NPLOC4: variants seen among roughly 807,000 people sequenced by gnomAD.
NPLOC4 encodes the protein nuclear protein localization protein 4 homolog.
A neutral mutation model predicts 80.6 loss-of-function variants in NPLOC4; 18 were observed. The observed-to-expected ratio is 0.22, with a 90% CI of 0.15 to 0.33. The LOEUF is 0.33. Ranked by LOEUF, NPLOC4 falls within the 10% of genes least tolerant of loss-of-function variation. The pLI, the probability that NPLOC4 is intolerant of heterozygous loss-of-function variation, is 1.00. For synonymous variants in NPLOC4, 313 were observed against 301.5 expected, an observed-to-expected ratio of 1.04 and a Z score of -0.39; for missense variants, 540 against 786.1, an observed-to-expected ratio of 0.69 and a Z score of 3.74.
At chr17:81,566,111 A>T (rs1802560934) in intron 15 of NPLOC4, among the ~76,000 whole-genome samples, 1 of 152,216 alleles carries the variant, frequency 6.6e-6, no homozygotes, top group Admixed American at 6.5e-5. Context: ...AGGCAGACAG[A>T]TCACGAGGTC....
chr17:81,624,859 G>A (rs1165130919), intron 2 of NPLOC4, among the ~76,000 whole-genome samples: 1 of 152,198 alleles, frequency 6.6e-6, no homozygotes, highest in African/African-American at 2.4e-5. Context: ...CAGGAAGGGT[G>A]TTGGAAACAC....
intron 3 of NPLOC4, among the ~76,000 whole-genome samples, chr17:81,618,544 GT>G (rs377592776): frequency 2.5e-3 from 196 of 77,138 alleles, no homozygotes; most frequent in East Asian, 0.015. Flanking sequence ...TGAGGGGTCA[GT>G]GCCCCCGCCC....
At chr17:81,600,994 T>C (rs1387200473) in intron 8 of NPLOC4, among the ~76,000 whole-genome samples, 1 of 151,840 alleles carries the variant, frequency 6.6e-6, no homozygotes, top group Non-Finnish European at 1.5e-5. Context: ...AGGGAAAAGG[T>C]GTTCAAAAAT....
rs1405212455 is a variant in NPLOC4, at chr17:81,577,317, G to A, written c.1282-5229C>T. On this transcript the variant is annotated intron_variant, in intron 12 of 16. Coordinates refer to ENST00000331134, the MANE Select transcript of NPLOC4 (RefSeq NM_017921.4). The surrounding 1 kb of genome is among the most constrained non-coding windows in gnomAD (Gnocchi z 4.3). ...ACCCCAGCACTGTCCCTTGGCACCA[G>A]GACATCACCCTCCCACCTCTCCCAG... Among the ~76,000 whole-genome samples the A allele has an allele frequency of 6.6e-6, 1 of 151,900 alleles. No individual in the cohort carries two copies. Among genetic ancestry groups the A allele is most frequent in the African/African-American group, 2.4e-5 (1 of 41,354 alleles).
In NPLOC4 at chr17:81,604,708, T is replaced by C. The variant is rs760463136; in HGVS notation, c.674A>G (p.Asn225Ser). ...LNRQKYRHVD[N>S]IMFENHTVAD... ...GACGGTGTGATTCTCAAACATGATATTGTCCACATGCCTGTACTTCTGTAG... is the reference window on the plus strand; with the variant it reads ...GACGGTGTGATTCTCAAACATGATACTGTCCACATGCCTGTACTTCTGTAG... The change falls in exon 8 of 17, where the codon AAT becomes AGT. Residue 225 changes from asparagine to serine, a missense_variant. Asn to Ser is a conservative substitution (Grantham distance 46). This residue lies in a region of NPLOC4 where 61 missense variants were observed against 156.7 expected (regional missense o/e 0.39). Transcript: ENST00000331134. 7 of 1,613,306 alleles carry C rather than the reference T, an allele frequency of 4.3e-6. No individual in the cohort carries two copies. Among genetic ancestry groups the C allele is most frequent in the East Asian group, 2.2e-5 (1 of 44,878 alleles).
At chr17:81,634,605 T>G (rs2036018287) in intron 1 of NPLOC4, among the ~76,000 whole-genome samples, 1 of 141,646 alleles carries the variant, frequency 7.1e-6, no homozygotes, top group East Asian at 2.3e-4. Flanking sequence ...TTTTTTTTTT[T>G]GAGACAGTCT....
At chr17:81,608,588 A>G in intron 6 of NPLOC4, 140 bp downstream of exon 6, 1 of 606,808 alleles carries the variant, frequency 1.6e-6, no homozygotes, top group Non-Finnish European at 2.9e-6. Flanking sequence ...AAATAAATAT[A>G]GAACCACGGT....
At position 81,567,397 on chromosome 17, in the gene NPLOC4, C is replaced by T. The variant is rs2034040837; in HGVS notation, c.1566+20G>A. The T allele has an allele frequency of 1.3e-6, 2 of 1,486,594 alleles. No homozygotes were observed. The highest frequency in any genetic ancestry group is 1.1e-5 in the South Asian group (1 of 87,226). 92.1% of individuals were successfully genotyped at this position (1,486,594 alleles called of 1,614,324 possible). On this transcript the variant is annotated intron_variant, in intron 15 of 16. Coordinates refer to ENST00000331134, the MANE Select transcript of NPLOC4 (RefSeq NM_017921.4). This position sits in a 1 kb window ranked among gnomAD's most constrained non-coding sequence, Gnocchi z 4.5. ...GCCAAAGCCCACTTGCTCAAGTGGA[C>T]ACCACACTTGGACACGCACCTGCAG...
At chr17:81,591,504 C>T (rs1036722979) in intron 11 of NPLOC4, among the ~76,000 whole-genome samples, 3 of 133,896 alleles carry the variant, frequency 2.2e-5, no homozygotes, top group Non-Finnish European at 3.2e-5. Context: ...GTCATTAACA[C>T]GATAGGTCAT....
intron 5 of NPLOC4, among the ~76,000 whole-genome samples, chr17:81,609,265 G>A (rs1035880849): frequency 4.6e-5 from 7 of 152,232 alleles, no homozygotes; most frequent in African/African-American, 1.4e-4. Flanking sequence ...TGATCCACCC[G>A]CCTTGGCCTC....
chr17:81,629,369 T>C (rs780753896), intron 2 of NPLOC4, among the ~76,000 whole-genome samples: 24 of 152,020 alleles, frequency 1.6e-4, no homozygotes, highest in Non-Finnish European at 2.6e-4. Flanking sequence ...TTTTTGTATT[T>C]TTAGTAGACG....
In NPLOC4 at chr17:81,580,501, C is replaced by T. The variant is rs2034409113; in HGVS notation, c.1282-8413G>A. Among the ~76,000 whole-genome samples, 1 of 152,154 alleles carries T rather than the reference C, an allele frequency of 6.6e-6. No individual in the cohort carries two copies. The highest frequency in any genetic ancestry group is 2.4e-5 in the African/African-American group (1 of 41,436). On this transcript the variant is annotated intron_variant, in intron 12 of 16. Transcript: ENST00000331134. The surrounding 1 kb of genome is among the most constrained non-coding windows in gnomAD (Gnocchi z 4.4). ...CACTTCCAACCATAGATTCAGCTTC[C>T]AAGGGCCCCTCCCACCTCTACCCCA...
At chr17:81,628,491 C>G (rs1350036351) in intron 2 of NPLOC4, among the ~76,000 whole-genome samples, 1 of 151,894 alleles carries the variant, frequency 6.6e-6, no homozygotes, top group African/African-American at 2.4e-5. Context: ...CCAGCCTGGG[C>G]AACAGAGTGA....
intron 16 of NPLOC4, chr17:81,563,656 G>A (rs1460956586): frequency 1.5e-5 from 4 of 267,634 alleles, no homozygotes; most frequent in Non-Finnish European, 3.0e-5. Context: ...TGGCTCCCAG[G>A]TATAATCTCA....
chr17:81,571,743 T>C (rs1264756058), intron 13 of NPLOC4, among the ~76,000 whole-genome samples: 1 of 152,162 alleles, frequency 6.6e-6, no homozygotes, highest in African/African-American at 2.4e-5. Context: ...CTTTGTACTT[T>C]AGTATGGGGA....
chr17:81,573,338 C>G (rs1014663926), intron 12 of NPLOC4, among the ~76,000 whole-genome samples: 8 of 152,182 alleles, frequency 5.3e-5, no homozygotes, highest in Admixed American at 5.2e-4. Flanking sequence ...CCATCACAAC[C>G]ACACCTTCCT....
chr17:81,589,123 T>TA lies in NPLOC4; in HGVS notation c.1121-20dup. On this transcript the variant is annotated intron_variant, in intron 11 of 16. Transcript: ENST00000331134. ...GGACCACCTGCAAGAGAGAGACCTT[T>TA]AAAAAGAGTCTACCAAACGGCATTC... The TA allele has an allele frequency of 6.2e-7, 1 of 1,605,218 alleles. No homozygotes were observed. Among genetic ancestry groups the TA allele is most frequent in the Non-Finnish European group, 8.5e-7 (1 of 1,174,876 alleles).
At chr17:81,622,307 T>A in intron 2 of NPLOC4, 29 bp from the exon 3 acceptor site, 1 of 1,483,522 alleles carries the variant, frequency 6.7e-7, no homozygotes, top group Non-Finnish European at 9.4e-7. Flanking sequence ...AACAGAAATT[T>A]AATGAAATGC....
At position 81,604,566 on chromosome 17, in the gene NPLOC4, C is replaced by T. The variant is rs377466373; in HGVS notation, c.816G>A (p.Ala272=). The T allele has an allele frequency of 9.9e-5, 160 of 1,612,488 alleles. No homozygotes were observed. The highest frequency in any genetic ancestry group is 7.2e-4 in the South Asian group (65 of 90,742). Residue 272 remains alanine (A), a synonymous_variant, in exon 8 of 17, where the codon GCG becomes GCA. Coordinates refer to ENST00000331134, the MANE Select transcript of NPLOC4 (RefSeq NM_017921.4). ...TGTTTACCTGAGGTGGCTCATAAAT[C>T]GCAGCCACTTCAGCCCTGATGCCAA... ...IPLGIRAEVA[A]IYEPPQIGTQ...
Sources: allele counts gnomAD v4.1 joint callset (sites outside exome capture counted in the v4.1 genomes callset), GRCh38; gene constraint gnomAD v4.1.1; regional missense constraint gnomAD v4.1.1; non-coding constraint Gnocchi (gnomAD v3.1); transcripts MANE v1.5; gene names NCBI Gene and HGNC (gene_info 2026-07-23, HGNC 2026-07-21).